ADAMTS8: variants seen among roughly 807,000 people sequenced by gnomAD.
ADAMTS8 encodes ADAM metallopeptidase with thrombospondin type 1 motif 8.
In ADAMTS8, 50 loss-of-function variants were observed where a neutral mutation model predicts 64.4. That is an observed-to-expected ratio of 0.78 (90% CI 0.62 to 0.98). ADAMTS8 has a LOEUF of 0.98. Among genes scored for constraint, ADAMTS8 ranks in the 50% least tolerant of loss-of-function variants. The pLI is 0.00. For synonymous variants in ADAMTS8, 556 were observed against 533.6 expected, an observed-to-expected ratio of 1.04 and a Z score of -0.58; for missense variants, 1,192 against 1,208.2, an observed-to-expected ratio of 0.99 and a Z score of 0.20.
At position 130,411,762 on chromosome 11, in the gene ADAMTS8, C is replaced by T; in HGVS notation, c.1567-162G>A. The T allele has an allele frequency of 1.7e-6, 1 of 586,128 alleles. No homozygotes were observed. The highest frequency in any genetic ancestry group is 2.6e-6 in the Non-Finnish European group (1 of 378,168). The allele number at this position is 586,128 out of a possible 1,614,324, so 36.3% of individuals were successfully genotyped here. The stretch of plus-strand genomic sequence containing the variant: ...AATCATTTGTTTAATGACTGTGTGG[C>T]CTGCATGGCTTTGTGAGCACAGAGA... On this transcript the variant is annotated intron_variant, in intron 5 of 8. Coordinates refer to ENST00000257359, the MANE Select transcript of ADAMTS8 (RefSeq NM_007037.6). This position sits in a 1 kb window ranked among gnomAD's most constrained non-coding sequence, Gnocchi z 4.2.
chr11:130,406,224 G>A (rs1413266553), intron 8 of ADAMTS8, 96 bp from the exon 9 acceptor site: 2 of 1,434,114 alleles, frequency 1.4e-6, no homozygotes, highest in Admixed American at 2.4e-5. Flanking sequence ...CCAGGTGGCA[G>A]ACACGAAAAA....
chr11:130,427,905 G>T lies in ADAMTS8; in HGVS notation c.382C>A (p.Leu128Met). 1 of 1,534,068 alleles carries T rather than the reference G, an allele frequency of 6.5e-7. No individual in the cohort carries two copies. Among genetic ancestry groups the T allele is most frequent in the Non-Finnish European group, 8.7e-7 (1 of 1,146,246 alleles). ...TGGATGGTGAACTCCTCGCCGTCCA[G>T]CAGGAAGGAGCCGCTCAGCCCGCGG... ...LCRGLSGSFL[L>M]DGEEFTIQPQ... The change falls in exon 1 of 9, where the codon CTG (leucine) becomes ATG (methionine). Residue 128 changes from leucine (L) to methionine (M), a missense_variant. Leu to Met is a conservative substitution (Grantham distance 15, BLOSUM62 2). Coordinates refer to ENST00000257359, the MANE Select transcript of ADAMTS8 (RefSeq NM_007037.6).
At chr11:130,420,619 G>A (rs1305224385) in intron 1 of ADAMTS8, among the ~76,000 whole-genome samples, 1 of 152,078 alleles carries the variant, frequency 6.6e-6, no homozygotes, top group African/African-American at 2.4e-5. Flanking sequence ...ATCGGGTGAG[G>A]CCATGTGTGG....
chr11:130,428,109 A>G lies in ADAMTS8; in HGVS notation c.178T>C (p.Phe60Leu), dbSNP rs1163134551. Residue 60 changes from phenylalanine to leucine, a missense_variant, in exon 1 of 9, where the codon TTC becomes CTC. Phe to Leu is a conservative substitution (Grantham distance 22). Coordinates refer to ENST00000257359, the MANE Select transcript of ADAMTS8 (RefSeq NM_007037.6). ...AGELALHLSA[F>L]GKGFVLRLAP... ...AGGCGCAGCACGAAGCCCTTGCCGAAGGCGGACAGGTGGAGCGCGAGCTCG... is the reference window on the plus strand; with the variant it reads ...AGGCGCAGCACGAAGCCCTTGCCGAGGGCGGACAGGTGGAGCGCGAGCTCG... The G allele has an allele frequency of 6.5e-7, 1 of 1,530,424 alleles. No individual in the cohort carries two copies. The highest frequency in any genetic ancestry group is 1.2e-5 in the South Asian group (1 of 83,284). The allele number at this position is 1,530,424 out of a possible 1,614,324, so 94.8% of individuals were successfully genotyped here. A position where few individuals can be genotyped will look rare whatever the true frequency, so the allele number is the denominator to read the frequency against.
In ADAMTS8 at chr11:130,411,487, A is replaced by C. The variant is rs1044412221; in HGVS notation, c.1680T>G (p.Asn560Lys). The C allele has an allele frequency of 1.9e-6, 3 of 1,613,954 alleles. No homozygotes were observed. Among genetic ancestry groups the C allele is most frequent in the Non-Finnish European group, 2.5e-6 (3 of 1,180,024 alleles). The stretch of plus-strand genomic sequence containing the variant: ...TCCGACCCAGGCAGTATCTTCCTCC[A>C]TTCTGAGGCTCGGGGTCCTTGCACT... ...HRECKDPEPQ[N>K]GGRYCLGRRA... is the part of the protein sequence containing the mutation. The change falls in exon 6 of 9, where the codon AAT (asparagine) becomes AAG (lysine). Residue 560 changes from asparagine (N) to lysine (K), a missense_variant. By Grantham distance (94) the Asn-to-Lys change is moderately conservative (BLOSUM62 0). Coordinates refer to ENST00000257359, the MANE Select transcript of ADAMTS8 (RefSeq NM_007037.6). This position sits in a 1 kb window ranked among gnomAD's most constrained non-coding sequence, Gnocchi z 4.2.
At chr11:130,421,976 C>T (rs913955897) in intron 1 of ADAMTS8, among the ~76,000 whole-genome samples, 4 of 152,230 alleles carry the variant, frequency 2.6e-5, no homozygotes, top group Non-Finnish European at 5.9e-5. Context: ...AGAGCAGCCG[C>T]CCCCCAAACC....
rs1359458230 is a variant in ADAMTS8 at position 130,408,891 on chromosome 11, G to A, written c.1800C>T (p.Tyr600=). ...GCAGGAGATTCCCGTCCATGTCAGTGTAATTGTAGGCATTATACTTCTCAC... is the reference window on the plus strand; with the variant it reads ...GCAGGAGATTCCCGTCCATGTCAGTATAATTGTAGGCATTATACTTCTCAC... The part of the protein sequence containing the change: ...QQCEKYNAYN[Y]TDMDGNLLQW... Residue 600 remains tyrosine, a synonymous_variant, in exon 7 of 9, where the codon TAC becomes TAT. Coordinates refer to ENST00000257359, the MANE Select transcript of ADAMTS8 (RefSeq NM_007037.6). The A allele has an allele frequency of 6.2e-7, 1 of 1,604,530 alleles. No individual in the cohort carries two copies. The highest frequency in any genetic ancestry group is 1.1e-5 in the South Asian group (1 of 88,890).
At chr11:130,423,402 C>G (rs1447060921) in intron 1 of ADAMTS8, among the ~76,000 whole-genome samples, 1 of 152,124 alleles carries the variant, frequency 6.6e-6, no homozygotes, top group Non-Finnish European at 1.5e-5. Flanking sequence ...CAGGGGGGGG[C>G]ATGAATCTGT....
chr11:130,414,343 C>T (rs148183424), intron 5 of ADAMTS8, among the ~76,000 whole-genome samples, 188 bp downstream of exon 5: 240 of 151,976 alleles, frequency 1.6e-3, no homozygotes, highest in Non-Finnish European at 2.8e-3. Flanking sequence ...AGGCTGGTCT[C>T]GGTGCAAGTG....
At chr11:130,423,432 A>G (rs1862125465) in intron 1 of ADAMTS8, among the ~76,000 whole-genome samples, 1 of 152,220 alleles carries the variant, frequency 6.6e-6, no homozygotes, top group Non-Finnish European at 1.5e-5. Flanking sequence ...CATCCAAACC[A>G]GGACACCCTT....
At chr11:130,423,637 G>A (rs983121315) in intron 1 of ADAMTS8, among the ~76,000 whole-genome samples, 3 of 152,206 alleles carry the variant, frequency 2.0e-5, no homozygotes, top group Admixed American at 6.5e-5. Context: ...CCTCCTGCGA[G>A]TGTTCTGCTG....
intron 1 of ADAMTS8, among the ~76,000 whole-genome samples, chr11:130,425,981 C>T (rs984985418): frequency 6.6e-6 from 1 of 152,120 alleles, no homozygotes; most frequent in African/African-American, 2.4e-5. Flanking sequence ...TCTTCTCACC[C>T]CTCTCCTGCC....
intron 1 of ADAMTS8, 83 bp downstream of exon 1, chr11:130,427,476 TCAGAGGGA>T: frequency 1.5e-5 from 8 of 537,674 alleles, no homozygotes; most frequent in South Asian, 1.2e-4. Flanking sequence ...TTTTTTTTTC[TCAGAGGGA>T]TTGGAAGGGG....
Position 130,419,238 on chromosome 11 carries a change from T to C in ADAMTS8, c.775A>G (p.Ile259Val). 6.2e-7 allele frequency: 1 copy of C among 1,614,110 alleles called. No individual in the cohort carries two copies. Residue 259 changes from isoleucine to valine, a missense_variant, in exon 2 of 9, where the codon ATC (isoleucine) becomes GTC (valine). Transcript: ENST00000257359. ...ACCATCAGGTTGATGGAATTCTTGA[T>C]GCTGGGGTGCTTGTAGATTCGGGCT... is the stretch of plus-strand genomic sequence containing the variant. Reference protein sequence around the residue: ...VAARIYKHPSIKNSINLMVVK... With the variant: ...VAARIYKHPSVKNSINLMVVK...
chr11:130,409,020 G>A, intron 6 of ADAMTS8, 80 bp from the exon 7 acceptor site: 2 of 1,478,688 alleles, frequency 1.4e-6, no homozygotes, highest in Admixed American at 4.9e-5. Flanking sequence ...CGAATTTACA[G>A]CACTTTTCTT....
At chr11:130,414,093 A>G (rs1046602840) in intron 5 of ADAMTS8, among the ~76,000 whole-genome samples, 4 of 147,600 alleles carry the variant, frequency 2.7e-5, no homozygotes, top group Admixed American at 6.7e-5. Context: ...TAGAAGTCCT[A>G]TGTTGCAGCC....
At chr11:130,427,434 A>C in intron 1 of ADAMTS8, 133 bp downstream of exon 1, 1 of 1,097,456 alleles carries the variant, frequency 9.1e-7, no homozygotes, top group Admixed American at 3.0e-5. Context: ...AAGGCTGGAG[A>C]AGATGAGTGG....
chr11:130,426,378 C>G (rs1385924106), intron 1 of ADAMTS8, among the ~76,000 whole-genome samples: 2 of 152,236 alleles, frequency 1.3e-5, no homozygotes, highest in Admixed American at 6.5e-5. Flanking sequence ...CTTGGGGCCC[C>G]CAGCAGTCGG....
At chr11:130,407,384 TAA>T (rs1196434000) in intron 8 of ADAMTS8, among the ~76,000 whole-genome samples, 1 of 151,256 alleles carries the variant, frequency 6.6e-6, no homozygotes, top group Non-Finnish European at 1.5e-5. Context: ...AAAAATAAAT[TAA>T]AAAAAATGAA....
Sources: gnomAD v4.1 joint callset for allele counts (sites outside exome capture counted in the v4.1 genomes callset) on GRCh38, gnomAD v4.1.1 for gene constraint, Gnocchi (gnomAD v3.1) non-coding constraint, MANE v1.5 for transcripts, NCBI Gene and HGNC (gene_info 2026-07-23, HGNC 2026-07-21) for gene names.